Variants in SGCD observed in about 807,000 individuals in gnomAD.
The protein encoded by SGCD is delta-sarcoglycan.
SGCD carries 18 observed loss-of-function variants against 36.6 expected under a neutral mutation model. That is an observed-to-expected ratio of 0.49 (90% CI 0.34 to 0.73). The LOEUF (loss-of-function observed/expected upper bound fraction) is 0.73, where lower values mean the gene tolerates loss of function less well. Among genes scored for constraint, SGCD ranks in the 30% least tolerant of loss-of-function variants. The pLI, the probability that SGCD is intolerant of heterozygous loss-of-function variation, is 0.01. For missense variants in SGCD, 387 were observed against 346.7 expected (o/e 1.12, Z -0.92); for synonymous variants, 133 against 130.6 (o/e 1.02, Z -0.12).
rs147868363 is a variant in SGCD at position 156,433,862 on chromosome 5, C to T, written c.193-74739C>T. 9.7e-3 allele frequency among the ~76,000 whole-genome samples: 1,476 copies of T among 152,266 alleles called. 13 individuals are homozygous for T. Among genetic ancestry groups the T allele is most frequent in the Middle Eastern group, 0.037 (11 of 294 alleles). On this transcript the variant is annotated intron_variant, in intron 3 of 8. Coordinates refer to ENST00000337851, the MANE Select transcript of SGCD (RefSeq NM_000337.6). ...CCCAAAGTGTCTCCCCTTGTGGTTACAAGATGGCTATAGTAATTGTTGACC... is the reference window on the plus strand; with the variant it reads ...CCCAAAGTGTCTCCCCTTGTGGTTATAAGATGGCTATAGTAATTGTTGACC...
intron 3 of SGCD, among the ~76,000 whole-genome samples, chr5:156,146,945 A>C (rs749116017): frequency 9.2e-5 from 14 of 152,212 alleles, no homozygotes; most frequent in Non-Finnish European, 1.9e-4. Flanking sequence ...TTCATCCTTA[A>C]AGACTTACTT....
chr5:156,706,299 C>G (rs2113741933), intron 7 of SGCD, among the ~76,000 whole-genome samples: 1 of 152,256 alleles, frequency 6.6e-6, no homozygotes, highest in South Asian at 2.1e-4. Context: ...AGTGGGATTA[C>G]TAATGTCATG....
the SGCD span, among the ~76,000 whole-genome samples, chr5:155,765,937 A>C: frequency 2.6e-5 from 4 of 152,000 alleles, no homozygotes; most frequent in African/African-American, 9.7e-5. Flanking sequence ...GCGTGACTGC[A>C]TTTCCTCTTA....
the SGCD span, among the ~76,000 whole-genome samples, chr5:155,759,965 C>CTT: frequency 4.2e-4 from 64 of 152,316 alleles, no homozygotes; most frequent in African/African-American, 1.4e-3. Flanking sequence ...ATCCGGTTAG[C>CTT]TTATGTCAAA....
chr5:156,143,053 A>G (rs1762614545), intron 3 of SGCD, among the ~76,000 whole-genome samples: 1 of 152,186 alleles, frequency 6.6e-6, no homozygotes, highest in African/African-American at 2.4e-5. Flanking sequence ...GGAGGGAAGA[A>G]TGGTTCCATG....
chr5:156,520,182 A>G (rs2113029924), intron 4 of SGCD, among the ~76,000 whole-genome samples: 1 of 152,354 alleles, frequency 6.6e-6, no homozygotes, highest in South Asian at 2.1e-4. Context: ...AAGATACAAA[A>G]TCAATGTGCA....
intron 1 of SGCD, among the ~76,000 whole-genome samples, chr5:155,870,895 A>C (rs1410721338): frequency 6.6e-6 from 1 of 152,202 alleles, no homozygotes; most frequent in African/African-American, 2.4e-5. Flanking sequence ...TATCACTCTC[A>C]ACAGAATGAA....
intron 1 of SGCD, among the ~76,000 whole-genome samples, chr5:156,070,900 T>G (rs933262404): frequency 3.3e-5 from 5 of 152,196 alleles, no homozygotes; most frequent in African/African-American, 4.8e-5. Context: ...TTCTTCTAGA[T>G]TTTCTAGTTT....
At chr5:155,930,653 A>G (rs1302161475) in intron 1 of SGCD, among the ~76,000 whole-genome samples, 1 of 152,182 alleles carries the variant, frequency 6.6e-6, no homozygotes, top group Non-Finnish European at 1.5e-5. Flanking sequence ...TTCATAATTA[A>G]TAAGTTCTGT....
chr5:156,409,768 C>T (rs1295878070), intron 3 of SGCD, among the ~76,000 whole-genome samples: 1 of 152,174 alleles, frequency 6.6e-6, no homozygotes, highest in Non-Finnish European at 1.5e-5. Context: ...TACTCCTATG[C>T]TAAACAGCTG....
chr5:156,023,511 C>T (rs1759155074), intron 1 of SGCD, among the ~76,000 whole-genome samples: 1 of 152,202 alleles, frequency 6.6e-6, no homozygotes, highest in Admixed American at 6.5e-5. Context: ...ATTACTTGTG[C>T]ATCTACTATT....
At chr5:156,185,841 A>ATGTGTGTGTGTGTG (rs1763734185) in intron 3 of SGCD, among the ~76,000 whole-genome samples, 1 of 28,650 alleles carries the variant, frequency 3.5e-5, no homozygotes, top group African/African-American at 1.1e-4. Context: ...GTGTATATAT[A>ATGTGTGTGTGTGTG]TATATATATA....
chr5:156,196,707 G>A (rs1316145342), intron 3 of SGCD, among the ~76,000 whole-genome samples: 4 of 152,092 alleles, frequency 2.6e-5, no homozygotes, highest in Non-Finnish European at 5.9e-5. Context: ...TGAGAGAAAA[G>A]AGCAAACATA....
chr5:156,095,733 G>T lies in SGCD; in HGVS notation c.-281-22145G>T, dbSNP rs1379509579. ...AGCATAAATGTTCCCTACTCACACG[G>T]TCGCTCCTAAACAAATTGTCACTCA... is the stretch of plus-strand genomic sequence containing the variant. On this transcript the variant is annotated intron_variant, in intron 1 of 9. Coordinates refer to the SGCD transcript ENST00000517913. Among the ~76,000 whole-genome samples the T allele has an allele frequency of 3.3e-5, 5 of 152,152 alleles. 1 individual carries two copies. The highest frequency in any genetic ancestry group is 3.3e-4 in the Admixed American group (5 of 15,268).
chr5:156,395,110 A>G (rs1345060671), intron 3 of SGCD, among the ~76,000 whole-genome samples: 2 of 152,190 alleles, frequency 1.3e-5, no homozygotes, highest in African/African-American at 4.8e-5. Flanking sequence ...CAAATGGGAG[A>G]AGCAAGGGCT....
chr5:156,240,902 A>C (rs939013252), intron 3 of SGCD, among the ~76,000 whole-genome samples: 14 of 152,222 alleles, frequency 9.2e-5, no homozygotes, highest in Non-Finnish European at 1.8e-4. Flanking sequence ...GTTAGACATC[A>C]GTATTTGAGA....
the SGCD span, among the ~76,000 whole-genome samples, chr5:155,817,264 T>C: frequency 3.5e-3 from 530 of 152,224 alleles, no homozygotes; most frequent in Middle Eastern, 6.8e-3. Flanking sequence ...TGTCCAATTA[T>C]GTTAGAGTAC....
intron 4 of SGCD, among the ~76,000 whole-genome samples, chr5:156,583,372 C>T (rs1408540520): frequency 6.6e-6 from 1 of 152,122 alleles, no homozygotes; most frequent in South Asian, 2.1e-4. Flanking sequence ...GAGGATTATC[C>T]CTCACTCTGC....
intron 3 of SGCD, among the ~76,000 whole-genome samples, chr5:156,317,753 G>A (rs528004756): frequency 2.6e-5 from 4 of 152,178 alleles, no homozygotes; most frequent in South Asian, 2.1e-4. Flanking sequence ...CATCTTTTAC[G>A]TTGAGCTCAA....
Sources: gnomAD v4.1 joint callset for allele counts (sites outside exome capture counted in the v4.1 genomes callset) on GRCh38, gnomAD v4.1.1 for gene constraint, MANE v1.5 for transcripts, NCBI Gene and HGNC (gene_info 2026-07-23, HGNC 2026-07-21) for gene names.